RRAGD: variants seen among roughly 807,000 people sequenced by gnomAD.
RRAGD encodes the protein Ras related GTP binding D.
A neutral mutation model predicts 35.5 loss-of-function variants in RRAGD; 12 were observed. The observed-to-expected ratio is 0.34, with a 90% CI of 0.22 to 0.55. The LOEUF (loss-of-function observed/expected upper bound fraction) is 0.55, where lower values mean the gene tolerates loss of function less well. Among genes scored for constraint, RRAGD ranks in the 20% least tolerant of loss-of-function variants. The pLI is 0.91. For synonymous variants in RRAGD, 155 were observed against 178.9 expected (o/e 0.87, Z 1.07); for missense variants, 324 against 490.1 (o/e 0.66, Z 3.20).
intron 1 of RRAGD, among the ~76,000 whole-genome samples, chr6:89,407,938 C>G (rs1014054612): frequency 2.6e-5 from 4 of 152,120 alleles, no homozygotes; most frequent in African/African-American, 4.8e-5. Flanking sequence ...CTCTGATGCC[C>G]TGAATCACTG....
rs9451217 is a variant in RRAGD at position 89,392,211 on chromosome 6, T to G, written c.149-4621A>C. On this transcript the variant is annotated intron_variant, in intron 1 of 6. Coordinates refer to ENST00000369415, the MANE Select transcript of RRAGD (RefSeq NM_021244.5). ...AAAAGGAGCTGGGCACAGTGGCTCA[T>G]GCCTATAATGCCAGCACTTTGGAAG... Among the ~76,000 whole-genome samples, 491 of 152,190 alleles carry G rather than the reference T, an allele frequency of 3.2e-3. 3 individuals are homozygous for G. Among genetic ancestry groups the G allele is most frequent in the African/African-American group, 0.011 (454 of 41,534 alleles).
chr6:89,367,964 C>A lies in RRAGD; in HGVS notation c.*92G>T. On this transcript the variant is annotated 3_prime_UTR_variant, in exon 7 of 7. Transcript: ENST00000369415. ...TTAACAACAAATCAATGGTATGTGT[C>A]CCAATCTCCTTCTTCCTCTTCCTTT... The A allele has an allele frequency of 3.5e-6, 4 of 1,149,838 alleles. No individual in the cohort carries two copies. Among genetic ancestry groups the A allele is most frequent in the African/African-American group, 1.6e-5 (1 of 64,466 alleles). The allele number at this position is 1,149,838 out of a possible 1,614,324, so 71.2% of individuals were successfully genotyped here. A position where few individuals can be genotyped will look rare whatever the true frequency, so the allele number is the denominator to read the frequency against.
intron 2 of RRAGD, among the ~76,000 whole-genome samples, chr6:89,384,838 C>A (rs1340405419): frequency 1.3e-5 from 2 of 150,702 alleles, no homozygotes; most frequent in African/African-American, 4.9e-5. Flanking sequence ...AAAAAGTATA[C>A]CTTTAAAAAA....
chr6:89,394,084 G>A (rs1229216912), intron 1 of RRAGD, among the ~76,000 whole-genome samples: 3 of 152,094 alleles, frequency 2.0e-5, no homozygotes, highest in Admixed American at 6.6e-5. Context: ...TACTAAAGAA[G>A]TTCCAAAAGG....
In RRAGD at chr6:89,365,633, A is replaced by G. The variant is rs895393656; in HGVS notation, c.*2423T>C. 1 of 152,204 alleles carries G rather than the reference A, an allele frequency of 6.6e-6. No individual in the cohort carries two copies. The highest frequency in any genetic ancestry group is 1.5e-5 in the Non-Finnish European group (1 of 68,038). The allele number at this position is 152,204 out of a possible 1,614,324, so 9.4% of individuals were successfully genotyped here. A position where few individuals can be genotyped will look rare whatever the true frequency, so the allele number is the denominator to read the frequency against. On this transcript the variant is annotated 3_prime_UTR_variant, in exon 7 of 7. Transcript: ENST00000369415. ...AATCTATATTAGCGTGTGATTAATC[A>G]AAGAGTACACTTACTACCATGAACT... is the stretch of plus-strand genomic sequence containing the variant.
At chr6:89,372,961 C>A (rs1023858178) in intron 5 of RRAGD, among the ~76,000 whole-genome samples, 14 of 152,204 alleles carry the variant, frequency 9.2e-5, no homozygotes, top group Admixed American at 9.2e-4. Context: ...AAGATATGTT[C>A]CAAATTCAAG....
chr6:89,408,371 A>G (rs1416917173), intron 1 of RRAGD, among the ~76,000 whole-genome samples: 4 of 152,142 alleles, frequency 2.6e-5, no homozygotes, highest in African/African-American at 9.7e-5. Context: ...TTTTAGGAAA[A>G]AGCCATGCAC....
rs574287652 is a variant in RRAGD at position 89,397,520 on chromosome 6, C to T, written c.149-9930G>A. Among the ~76,000 whole-genome samples the T allele has an allele frequency of 1.1e-4, 16 of 151,834 alleles. No individual in the cohort carries two copies. In the South Asian group the frequency reaches 2.3e-3, roughly 22 times the overall value. ...TCGGGAGGCTGAGGCAGGAGAATGG[C>T]GTGAACCCGGGAGGCGGAGCTTGCA... On this transcript the variant is annotated intron_variant, in intron 1 of 6. Transcript: ENST00000369415.
In RRAGD at chr6:89,408,386, A is replaced by AT. The variant is rs1427591180; in HGVS notation, c.148+3459dup. Among the ~76,000 whole-genome samples, 9 of 152,298 alleles carry AT rather than the reference A, an allele frequency of 5.9e-5. No individual in the cohort carries two copies. In the East Asian group the frequency reaches 1.3e-3, roughly 23 times the overall value. On this transcript the variant is annotated intron_variant, in intron 1 of 6. Transcript: ENST00000369415. Reference sequence around the variant, plus strand: ...TTTTAGGAAAAAGCCATGCACAGTCATGCATGCCTATAATCCTAGCTACTT... The same window carrying AT: ...TTTTAGGAAAAAGCCATGCACAGTCATTGCATGCCTATAATCCTAGCTACTT...
chr6:89,397,000 C>T (rs566256387), intron 1 of RRAGD, among the ~76,000 whole-genome samples: 5 of 152,120 alleles, frequency 3.3e-5, no homozygotes, highest in Admixed American at 2.0e-4. Context: ...CTCGGCCTCC[C>T]GAATTGCTGG....
At position 89,365,675 on chromosome 6, in the gene RRAGD, G is replaced by T. The variant is rs910647000; in HGVS notation, c.*2381C>A. 2.6e-5 allele frequency: 4 copies of T among 152,160 alleles called. No individual in the cohort carries two copies. The highest frequency in any genetic ancestry group is 5.9e-5 in the Non-Finnish European group (4 of 68,030). 9.4% of individuals were successfully genotyped at this position (152,160 alleles called of 1,614,324 possible). On this transcript the variant is annotated 3_prime_UTR_variant, in exon 7 of 7. Transcript: ENST00000369415. The stretch of plus-strand genomic sequence containing the variant: ...CCATGAACTTGGGCCCTATGTCATA[G>T]AATTATTTTTGCCTTTCCCCCAAAG...
intron 2 of RRAGD, among the ~76,000 whole-genome samples, chr6:89,381,487 C>T (rs1454628673): frequency 2.0e-5 from 3 of 152,200 alleles, no homozygotes; most frequent in South Asian, 2.1e-4. Flanking sequence ...TGCTATCCCT[C>T]TACCCCCTCA....
chr6:89,389,956 C>T (rs1359712847), intron 1 of RRAGD, among the ~76,000 whole-genome samples: 1 of 152,186 alleles, frequency 6.6e-6, no homozygotes, highest in African/African-American at 2.4e-5. Context: ...GCAAATGGTG[C>T]TGGGCCAACT....
rs530000755 is a variant in RRAGD at position 89,380,676 on chromosome 6, G to GGC, written c.445-311_445-310dup. 2.0e-5 allele frequency among the ~76,000 whole-genome samples: 3 copies of GGC among 152,268 alleles called. 1 individual carries two copies. In the South Asian group the frequency reaches 6.2e-4, roughly 32 times the overall value. ...TAATCCCAGAACTTTGGGAGGCCCA[G>GGC]GCAGGTGGATCATGAGGTCAGGAGA... is the stretch of plus-strand genomic sequence containing the variant. On this transcript the variant is annotated intron_variant, in intron 2 of 6. Coordinates refer to ENST00000369415, the MANE Select transcript of RRAGD (RefSeq NM_021244.5).
Position 89,412,135 on chromosome 6 carries a change from G to A in RRAGD, c.-142C>T. 1.3e-6 allele frequency: 1 copy of A among 788,290 alleles called. No homozygotes were observed. The highest frequency in any genetic ancestry group is 1.7e-6 in the Non-Finnish European group (1 of 580,432). 48.8% of individuals were successfully genotyped at this position (788,290 alleles called of 1,614,324 possible). A position where few individuals can be genotyped will look rare whatever the true frequency, so the allele number is the denominator to read the frequency against. ...GGCCCGGCGGAAGCGGGGGCCGCGC[G>A]TCCCCCGGCGGGCGGCGCCCAGGTC... is the stretch of plus-strand genomic sequence containing the variant. On this transcript the variant is annotated 5_prime_UTR_variant, in exon 1 of 7. In the 5' UTR this introduces an upstream ATG that the reference lacks. Coordinates refer to ENST00000369415, the MANE Select transcript of RRAGD (RefSeq NM_021244.5). This position sits in a 1 kb window ranked among gnomAD's most constrained non-coding sequence, Gnocchi z 4.2.
At chr6:89,408,564 T>C (rs1769630182) in intron 1 of RRAGD, among the ~76,000 whole-genome samples, 1 of 152,098 alleles carries the variant, frequency 6.6e-6, no homozygotes, top group Non-Finnish European at 1.5e-5. Context: ...TCTACATCCT[T>C]CAGGAAGGAA....
intron 1 of RRAGD, among the ~76,000 whole-genome samples, chr6:89,392,517 T>C (rs1191786685): frequency 6.6e-6 from 1 of 151,576 alleles, no homozygotes; most frequent in Non-Finnish European, 1.5e-5. Context: ...TAGAGATGTA[T>C]ATACATTAAA....
chr6:89,400,335 G>A (rs1020953102), intron 1 of RRAGD, among the ~76,000 whole-genome samples: 1 of 152,048 alleles, frequency 6.6e-6, no homozygotes, highest in Non-Finnish European at 1.5e-5. Context: ...AAATTTCCCT[G>A]GGTTTATTTG....
At chr6:89,388,375 T>C (rs1268875150) in intron 1 of RRAGD, among the ~76,000 whole-genome samples, 1 of 152,078 alleles carries the variant, frequency 6.6e-6, no homozygotes, top group East Asian at 1.9e-4. Context: ...GGTATGTAGT[T>C]TCAGCTGGGG....
Sources: gnomAD v4.1 joint callset for allele counts (sites outside exome capture counted in the v4.1 genomes callset) on GRCh38, gnomAD v4.1.1 for gene constraint, Gnocchi (gnomAD v3.1) non-coding constraint, MANE v1.5 for transcripts, NCBI Gene and HGNC (gene_info 2026-07-23, HGNC 2026-07-21) for gene names.